Variants in ASAH2 observed in about 807,000 individuals in gnomAD.
ASAH2 encodes the protein neutral ceramidase.
Under a neutral mutation model 82.9 loss-of-function variants are expected in ASAH2, and 58 were observed. The ratio of observed to expected loss-of-function variants is 0.70; its 90% CI spans 0.57 to 0.87. ASAH2 has a LOEUF of 0.87. Among genes scored for constraint, ASAH2 ranks in the 40% least tolerant of loss-of-function variants. ASAH2 has a pLI of 0.00. For synonymous variants in ASAH2, 276 were observed against 289.7 expected (o/e 0.95, Z 0.48); for missense variants, 779 against 834.0 (o/e 0.93, Z 0.81).
chr10:50,223,381 G>T (rs1027957838), intron 7 of ASAH2, among the ~76,000 whole-genome samples: 5 of 152,128 alleles, frequency 3.3e-5, no homozygotes, highest in Non-Finnish European at 5.9e-5. Flanking sequence ...GGCAAAGGGG[G>T]TAAGTAGGTG....
intron 4 of ASAH2, among the ~76,000 whole-genome samples, chr10:50,239,132 GT>G (rs1846231538): frequency 6.6e-6 from 1 of 152,110 alleles, no homozygotes; most frequent in Non-Finnish European, 1.5e-5. Flanking sequence ...AAGTCCTTCT[GT>G]TTTTCTGTCA....
chr10:50,243,392 C>G, intron 3 of ASAH2, 41 bp from the exon 4 acceptor site: 2 of 1,593,348 alleles, frequency 1.3e-6, no homozygotes, highest in Non-Finnish European at 1.7e-6. Flanking sequence ...TGTCTCATTC[C>G]CCTGCTACTA....
At chr10:50,240,290 T>G (rs918198506) in intron 4 of ASAH2, among the ~76,000 whole-genome samples, 25 of 152,316 alleles carry the variant, frequency 1.6e-4, no homozygotes, top group Middle Eastern at 6.8e-3. Context: ...TCTTGTTCCT[T>G]CAGCCTTTTA....
In ASAH2 at chr10:50,204,889, C is replaced by T; in HGVS notation, c.1597G>A (p.Ala533Thr). The T allele has an allele frequency of 6.2e-7, 1 of 1,611,710 alleles. No homozygotes were observed. Among genetic ancestry groups the T allele is most frequent in the Non-Finnish European group, 8.5e-7 (1 of 1,178,694 alleles). ...AACTCCCCGGGGATGGCAGTTATGG[C>T]CAAGGACCCAAGGGTAATAATCTGA... Reference protein sequence around the residue: ...DVQIITLGSLAITAIPGEFTT... With the variant: ...DVQIITLGSLTITAIPGEFTT... The change falls in exon 14 of 21, where the codon GCC becomes ACC. Residue 533 changes from alanine (A) to threonine (T), a missense_variant. Ala to Thr is a moderately conservative substitution (Grantham distance 58, BLOSUM62 0). Coordinates refer to ENST00000682911, the MANE Select transcript of ASAH2 (RefSeq NM_019893.4).
intron 15 of ASAH2, 127 bp from the exon 16 acceptor site, chr10:50,203,051 T>C (rs1254308306): frequency 1.4e-6 from 1 of 723,310 alleles, no homozygotes; most frequent in Admixed American, 2.3e-5. Context: ...ATAAAATTTT[T>C]CTAACTCTGC....
chr10:50,238,597 A>C (rs1435431904), intron 4 of ASAH2, among the ~76,000 whole-genome samples: 1 of 152,164 alleles, frequency 6.6e-6, no homozygotes, highest in African/African-American at 2.4e-5. Context: ...ATGAAGGGAC[A>C]TCATGAAAGC....
chr10:50,203,004 G>A (rs948719803), intron 15 of ASAH2, 80 bp from the exon 16 acceptor site: 11 of 970,634 alleles, frequency 1.1e-5, no homozygotes, highest in Admixed American at 1.7e-5. Flanking sequence ...TAACACACAA[G>A]CATTGATTAC....
chr10:50,212,854 C>CA, intron 10 of ASAH2, 118 bp downstream of exon 10: 1 of 1,055,258 alleles, frequency 9.5e-7, no homozygotes, highest in Non-Finnish European at 1.5e-6. Flanking sequence ...CTAGACTCCC[C>CA]AGCACAACCT....
chr10:50,203,328 A>G (rs1293764923), intron 15 of ASAH2, among the ~76,000 whole-genome samples: 1 of 152,060 alleles, frequency 6.6e-6, no homozygotes, highest in Non-Finnish European at 1.5e-5. Context: ...CCCAAAATGT[A>G]ATACATTTTA....
intron 18 of ASAH2, among the ~76,000 whole-genome samples, chr10:50,194,800 C>T (rs879035735): frequency 0.23 from 34,762 of 151,432 alleles, 4,843 homozygotes; most frequent in Non-Finnish European, 0.32. Context: ...GTGCCAAGAA[C>T]GCACAATGGG....
rs1392460931 is a variant in ASAH2, at chr10:50,208,107, A to G, written c.1415-2010T>C. On this transcript the variant is annotated intron_variant, in intron 12 of 20. Coordinates refer to ENST00000682911, the MANE Select transcript of ASAH2 (RefSeq NM_019893.4). ...GAGAGAAATATTTGCCAAAAAACTA[A>G]TACCATTTTATGATAATAACACTCA... Among the ~76,000 whole-genome samples the G allele has an allele frequency of 2.0e-5, 3 of 152,116 alleles. No homozygotes were observed. In the South Asian group the frequency reaches 6.2e-4, roughly 32 times the overall value.
chr10:50,240,856 T>C (rs1846275954), intron 4 of ASAH2, among the ~76,000 whole-genome samples: 2 of 152,250 alleles, frequency 1.3e-5, no homozygotes, highest in Non-Finnish European at 2.9e-5. Context: ...AGACCATATG[T>C]CCACAAAGTC....
At chr10:50,250,398 C>T (rs764263859) in intron 1 of ASAH2, among the ~76,000 whole-genome samples, 2 of 152,156 alleles carry the variant, frequency 1.3e-5, no homozygotes, top group Non-Finnish European at 2.9e-5. Flanking sequence ...CCACTTATCA[C>T]CACCATAATG....
chr10:50,196,029 A>T (rs1844969727), intron 18 of ASAH2, among the ~76,000 whole-genome samples: 1 of 151,854 alleles, frequency 6.6e-6, no homozygotes, highest in Admixed American at 6.6e-5. Context: ...TGTTTTAAAA[A>T]TTGTTAAGAA....
At chr10:50,215,914 A>AT (rs1406232320) in intron 8 of ASAH2, among the ~76,000 whole-genome samples, 85 of 152,194 alleles carry the variant, frequency 5.6e-4, no homozygotes, top group Admixed American at 5.6e-3. Context: ...ACCAACTCAA[A>AT]TGCCCATCAA....
intron 3 of ASAH2, among the ~76,000 whole-genome samples, chr10:50,244,812 C>T (rs1362070816): frequency 6.6e-6 from 1 of 151,840 alleles, no homozygotes; most frequent in Non-Finnish European, 1.5e-5. Flanking sequence ...TGGCAACAAT[C>T]AGCTAGATTC....
At chr10:50,223,307 T>G (rs1008769829) in intron 7 of ASAH2, among the ~76,000 whole-genome samples, 93 of 152,114 alleles carry the variant, frequency 6.1e-4, no homozygotes, top group Non-Finnish European at 7.9e-4. Flanking sequence ...AAAAGCAGAT[T>G]CCATGCACTC....
intron 7 of ASAH2, among the ~76,000 whole-genome samples, chr10:50,221,383 C>A (rs896331068): frequency 6.6e-6 from 1 of 152,148 alleles, no homozygotes; most frequent in East Asian, 1.9e-4. Flanking sequence ...CAGCTTCAGC[C>A]AACACTGAAT....
chr10:50,234,501 T>C lies in ASAH2; in HGVS notation c.739A>G (p.Lys247Glu), dbSNP rs751402333. The C allele has an allele frequency of 1.9e-5, 30 of 1,612,950 alleles. No homozygotes were observed. The highest frequency in any genetic ancestry group is 2.5e-5 in the Non-Finnish European group (30 of 1,179,276). Residue 247 changes from lysine to glutamate, a missense_variant, in exon 6 of 21, where the codon AAA (lysine) becomes GAA (glutamate). Lys to Glu is a moderately conservative substitution (Grantham distance 56, BLOSUM62 1). This residue lies in a region of ASAH2 where 759 missense variants were observed against 755.2 expected (regional missense o/e 1.00). Transcript: ENST00000682911. ...ATCTGCACACCATCCACATTTCCTT[T>C]ATTGATGAAGATTTTGCCTGGTTTC... ...NMKPGKIFIN[K>E]GNVDGVQINR...
Sources: gnomAD v4.1 joint callset for allele counts (sites outside exome capture counted in the v4.1 genomes callset) on GRCh38, gnomAD v4.1.1 for gene constraint, gnomAD v4.1.1 regional missense constraint, MANE v1.5 for transcripts, NCBI Gene and HGNC (gene_info 2026-07-23, HGNC 2026-07-21) for gene names.